The following NLRP13 variants were observed in gnomAD, a reference collection of about 807,000 sequenced individuals.
NLRP13 encodes the protein NACHT, LRR and PYD domains-containing protein 13.
In NLRP13, 82 loss-of-function variants were observed where a neutral mutation model predicts 94.4. The observed-to-expected ratio is 0.87, with a 90% CI of 0.73 to 1.04. The LOEUF (loss-of-function observed/expected upper bound fraction) is 1.04. NLRP13 is among the 50% of genes least tolerant of loss of function. The probability of loss-of-function intolerance (pLI) is 0.00; values close to 1 mark genes in which losing one functional copy is unlikely to be tolerated. For missense variants in NLRP13, 1,426 were observed against 1,230.8 expected, an observed-to-expected ratio of 1.16 and a Z score of -2.37; for synonymous variants, 553 against 464.7, an observed-to-expected ratio of 1.19 and a Z score of -2.45.
intron 4 of NLRP13, among the ~76,000 whole-genome samples, chr19:55,916,566 G>A (rs557273733): frequency 7.1e-4 from 108 of 152,214 alleles, no homozygotes; most frequent in African/African-American, 2.5e-3. Flanking sequence ...AAAATTCATT[G>A]AAGTTACAAA....
At chr19:55,895,005 C>A (rs1005958003), downstream of NLRP13, among the ~76,000 whole-genome samples, 10 of 152,072 alleles carry the variant, frequency 6.6e-5, no homozygotes, top group Admixed American at 5.2e-4. Context: ...ACAGCAAAAA[C>A]CATTACTTTA....
At chr19:55,930,069 A>G (rs1987070770) in intron 1 of NLRP13, among the ~76,000 whole-genome samples, 2 of 152,154 alleles carry the variant, frequency 1.3e-5, no homozygotes, top group African/African-American at 4.8e-5. Flanking sequence ...ACCAGAAGAT[A>G]CACAAAGCCC....
rs1331274020 is a variant in NLRP13, at chr19:55,896,073, A to G, written c.3004T>C (p.Ser1002Pro). The change falls in exon 11 of 11, where the codon TCT becomes CCT. Residue 1002 changes from serine to proline, a missense_variant. Transcript: ENST00000342929. ...AGGCTCTTACTGCTGCTGAGAACAG[A>G]GAAGAGATGCTGGCAGCAAGCAGTT... ...LTTACCQHLF[S>P]VLSSSKSLVN... The G allele has an allele frequency of 1.2e-6, 2 of 1,614,038 alleles. No individual in the cohort carries two copies. The highest frequency in any genetic ancestry group is 8.5e-7 in the Non-Finnish European group (1 of 1,180,016).
At chr19:55,898,204 T>C (rs1328008480) in intron 10 of NLRP13, among the ~76,000 whole-genome samples, 2 of 31,972 alleles carry the variant, frequency 6.3e-5, no homozygotes, top group Non-Finnish European at 1.3e-4. Context: ...GTTTTTGTTT[T>C]TGTTTTTGTT....
chr19:55,930,874 T>TTTTATATATATATA lies in NLRP13; in HGVS notation c.319+1118_319+1119insTATATATATATAAA, dbSNP rs55900335. Among the ~76,000 whole-genome samples, 77 of 70,178 alleles carry TTTTATATATATATA rather than the reference T, an allele frequency of 1.1e-3. 2 individuals are homozygous for TTTTATATATATATA. Among genetic ancestry groups the TTTTATATATATATA allele is most frequent in the African/African-American group, 4.9e-3 (62 of 12,692 alleles). 46.0% of individuals were successfully genotyped at this position (70,178 alleles called of 152,430 possible). A position where few individuals can be genotyped will look rare whatever the true frequency, so the allele number is the denominator to read the frequency against. On this transcript the variant is annotated intron_variant, in intron 1 of 10. Coordinates refer to ENST00000342929, the MANE Select transcript of NLRP13 (RefSeq NM_176810.2). Reference sequence around the variant, plus strand: ...GGCTTACAGGAGATAGAATCAGTGATTATATATATATATATATATATATAA... The same window carrying TTTTATATATATATA: ...GGCTTACAGGAGATAGAATCAGTGATTTTATATATATATATATATATATATATATATATATATAA...
intron 1 of NLRP13, among the ~76,000 whole-genome samples, chr19:55,928,110 C>G (rs1987015205): frequency 6.6e-6 from 1 of 152,186 alleles, no homozygotes; most frequent in African/African-American, 2.4e-5. Context: ...TGGCCCAGGG[C>G]TTTCTCCTAC....
chr19:55,892,359 A>G (rs554813809), downstream of NLRP13, among the ~76,000 whole-genome samples: 2 of 111,330 alleles, frequency 1.8e-5, no homozygotes, highest in South Asian at 4.3e-4. Flanking sequence ...GTCAACAAAT[A>G]TATGTGTATA....
At chr19:55,931,070 TA>T (rs1751215867) in intron 1 of NLRP13, among the ~76,000 whole-genome samples, 7 of 151,328 alleles carry the variant, frequency 4.6e-5, no homozygotes, top group Non-Finnish European at 7.4e-5. Context: ...TTACCCTGAG[TA>T]AAACATGAAC....
chr19:55,924,714 G>A (rs1307273203), intron 2 of NLRP13, 56 bp from the exon 3 acceptor site: 1 of 1,487,380 alleles, frequency 6.7e-7, no homozygotes, highest in Non-Finnish European at 9.4e-7. Flanking sequence ...AAATGGGCCA[G>A]CAATAATGGA....
At chr19:55,905,390 CATAT>C (rs746843121) in intron 7 of NLRP13, among the ~76,000 whole-genome samples, 1 of 146,594 alleles carries the variant, frequency 6.8e-6, no homozygotes, top group South Asian at 2.2e-4. Context: ...AAAGAAAATA[CATAT>C]ATATATACAT....
At chr19:55,925,065 G>A (rs760244839) in intron 1 of NLRP13, 30 bp from the exon 2 acceptor site, 1 of 1,599,290 alleles carries the variant, frequency 6.3e-7, no homozygotes, top group East Asian at 2.2e-5. Flanking sequence ...TGACATATGA[G>A]AATACCCAGA....
Sources: gnomAD v4.1 joint callset for allele counts (sites outside exome capture counted in the v4.1 genomes callset) on GRCh38, gnomAD v4.1.1 for gene constraint, MANE v1.5 for transcripts, NCBI Gene and HGNC (gene_info 2026-07-23, HGNC 2026-07-21) for gene names.